The following LZTS1 variants were observed in gnomAD, a reference collection of about 807,000 sequenced individuals.
LZTS1 encodes the protein leucine zipper tumor suppressor 1.
A neutral mutation model predicts 45.8 loss-of-function variants in LZTS1; 31 were observed. That is an observed-to-expected ratio of 0.68 (90% CI 0.51 to 0.91). The LOEUF (loss-of-function observed/expected upper bound fraction) is 0.91, where lower values mean the gene tolerates loss of function less well. Ranked by LOEUF, LZTS1 falls within the 40% of genes least tolerant of loss-of-function variation. The pLI is 0.00. For synonymous variants in LZTS1, 359 were observed against 357.3 expected (o/e 1.00, Z -0.05); for missense variants, 821 against 788.9 (o/e 1.04, Z -0.49).
At chr8:20,293,266 A>G (rs1230863420) in intron 1 of LZTS1, among the ~76,000 whole-genome samples, 3 of 152,094 alleles carry the variant, frequency 2.0e-5, no homozygotes, top group Admixed American at 2.0e-4. Flanking sequence ...GCTGTCTACC[A>G]AATAGCATGC....
chr8:20,276,245 A>AT (rs67555163), intron 1 of LZTS1, among the ~76,000 whole-genome samples: 4,699 of 145,638 alleles, frequency 0.032, 148 homozygotes, highest in African/African-American at 0.06. Flanking sequence ...CTCCAGAGTG[A>AT]TTTTTTTTTT....
rs1799983581 is a variant in LZTS1 at position 20,253,076 on chromosome 8, C to G, written c.855G>C (p.Glu285Asp). Residue 285 changes from glutamate to aspartate, a missense_variant, in exon 3 of 4, where the codon GAG becomes GAC. Coordinates refer to ENST00000381569, the MANE Select transcript of LZTS1 (RefSeq NM_021020.5). Reference sequence around the variant, plus strand: ...CCAGGCTGGAGGCAAGCTCCTTCTCCTCAAAGCTGCGCTGCAGCTTCTGGA... The same window carrying G: ...CCAGGCTGGAGGCAAGCTCCTTCTCGTCAAAGCTGCGCTGCAGCTTCTGGA... Reference protein sequence around the residue: ...GALQKLQRSFEEKELASSLAY... With the variant: ...GALQKLQRSFDEKELASSLAY... 1 of 1,609,276 alleles carries G rather than the reference C, an allele frequency of 6.2e-7. No individual in the cohort carries two copies. Among genetic ancestry groups the G allele is most frequent in the Non-Finnish European group, 8.5e-7 (1 of 1,178,866 alleles).
At chr8:20,295,145 T>C (rs1008467518) in intron 1 of LZTS1, among the ~76,000 whole-genome samples, 1 of 152,082 alleles carries the variant, frequency 6.6e-6, no homozygotes, top group Non-Finnish European at 1.5e-5. Context: ...CCTGACGCTG[T>C]CACTGCTGCC....
chr8:20,250,438 T>A, intron 3 of LZTS1, 75 bp from the exon 4 acceptor site: 1 of 1,431,152 alleles, frequency 7.0e-7, no homozygotes, highest in Admixed American at 2.5e-5. Flanking sequence ...CTCAGCTGCC[T>A]AAAATAACCA....
At chr8:20,281,920 G>A (rs1417450824) in intron 1 of LZTS1, among the ~76,000 whole-genome samples, 1 of 152,292 alleles carries the variant, frequency 6.6e-6, no homozygotes, top group South Asian at 2.1e-4. Flanking sequence ...AAGAGTTGGT[G>A]GAAGGATGGA....
chr8:20,259,784 G>A (rs563483398), intron 1 of LZTS1, among the ~76,000 whole-genome samples: 77 of 151,842 alleles, frequency 5.1e-4, no homozygotes, highest in African/African-American at 8.7e-4. Context: ...TCTGCAAGGT[G>A]GCTTTCTCCA....
At chr8:20,276,485 C>T (rs1411218678) in intron 1 of LZTS1, among the ~76,000 whole-genome samples, 2 of 152,214 alleles carry the variant, frequency 1.3e-5, no homozygotes, top group Non-Finnish European at 2.9e-5. Context: ...GATAGTTGAA[C>T]ACCTGGAGGG....
At chr8:20,292,878 CCT>C (rs2128899138) in intron 1 of LZTS1, among the ~76,000 whole-genome samples, 1 of 152,230 alleles carries the variant, frequency 6.6e-6, no homozygotes, top group African/African-American at 2.4e-5. Flanking sequence ...AGTTCCTTCC[CCT>C]CTCTGGGCCT....
chr8:20,279,357 A>G (rs142972540), intron 1 of LZTS1, among the ~76,000 whole-genome samples: 2 of 152,330 alleles, frequency 1.3e-5, no homozygotes, highest in Non-Finnish European at 2.9e-5. Flanking sequence ...GAGGGAAATC[A>G]GAGAGGCTCA....
intron 1 of LZTS1, among the ~76,000 whole-genome samples, chr8:20,282,478 C>T (rs190846024): frequency 3.4e-4 from 52 of 152,322 alleles, no homozygotes; most frequent in African/African-American, 1.2e-3. Context: ...AAAGCATAGG[C>T]TCTAAGGTCA....
intron 1 of LZTS1, among the ~76,000 whole-genome samples, chr8:20,261,678 G>A (rs373945403): frequency 1.1e-4 from 17 of 152,238 alleles, no homozygotes; most frequent in African/African-American, 4.1e-4. Context: ...TGGATGCAGA[G>A]AGATGTGAAC....
At position 20,249,599 on chromosome 8, in the gene LZTS1, C is replaced by G. The variant is rs1799825382; in HGVS notation, c.*123G>C. The G allele has an allele frequency of 1.6e-6, 2 of 1,269,006 alleles. No individual in the cohort carries two copies. The highest frequency in any genetic ancestry group is 2.1e-6 in the Non-Finnish European group (2 of 933,510). 78.6% of individuals were successfully genotyped at this position (1,269,006 alleles called of 1,614,324 possible). ...CCATCCTGCCCTCCCCTCGGGGGTC[C>G]TGGGTCTGTGTCCCAGGGAGTGGCG... On this transcript the variant is annotated 3_prime_UTR_variant, in exon 4 of 4. Coordinates refer to ENST00000381569, the MANE Select transcript of LZTS1 (RefSeq NM_021020.5).
intron 1 of LZTS1, 99 bp downstream of exon 1, chr8:20,303,641 A>G (rs1801120969): frequency 1.1e-6 from 1 of 939,134 alleles, no homozygotes. Context: ...GGACGCGCGG[A>G]CGCACGGACG....
intron 1 of LZTS1, among the ~76,000 whole-genome samples, chr8:20,282,685 G>T (rs1157887741): frequency 1.3e-5 from 2 of 152,148 alleles, no homozygotes; most frequent in Admixed American, 1.3e-4. Flanking sequence ...CAGCATTCCT[G>T]GCCCCTACAT....
chr8:20,288,518 C>T (rs1800838168), intron 1 of LZTS1, among the ~76,000 whole-genome samples: 1 of 152,192 alleles, frequency 6.6e-6, no homozygotes, highest in Non-Finnish European at 1.5e-5. Context: ...TGGTGCCTGC[C>T]TCACCCCAAC....
intron 1 of LZTS1, among the ~76,000 whole-genome samples, chr8:20,281,070 G>A (rs1170035184): frequency 2.0e-5 from 3 of 152,202 alleles, no homozygotes; most frequent in African/African-American, 7.2e-5. Context: ...TGTCTACTCA[G>A]TATTTTTTAA....
At chr8:20,279,653 G>A (rs1411589860) in intron 1 of LZTS1, among the ~76,000 whole-genome samples, 3 of 135,990 alleles carry the variant, frequency 2.2e-5, no homozygotes, top group African/African-American at 8.2e-5. Flanking sequence ...GTGAGCTCCA[G>A]CCTGGGTGAT....
Position 20,293,144 on chromosome 8 carries a change from G to A in LZTS1, c.-135+10596C>T, listed in dbSNP as rs186800122. On this transcript the variant is annotated intron_variant, in intron 1 of 3. Transcript: ENST00000381569. Reference sequence around the variant, plus strand: ...AGGTATTCTAATAATGGTATTTCTAGAAAGAAGTCTCTCCACCCTTGAATC... The same window carrying A: ...AGGTATTCTAATAATGGTATTTCTAAAAAGAAGTCTCTCCACCCTTGAATC... 1.4e-3 allele frequency among the ~76,000 whole-genome samples: 207 copies of A among 152,182 alleles called. 1 individual carries two copies. The highest frequency in any genetic ancestry group is 4.8e-3 in the African/African-American group (199 of 41,542).
intron 1 of LZTS1, among the ~76,000 whole-genome samples, chr8:20,269,664 G>A (rs1175945664): frequency 6.6e-6 from 1 of 152,202 alleles, no homozygotes; most frequent in Non-Finnish European, 1.5e-5. Context: ...AAGGAGAAGG[G>A]GAGTGGAGCT....
Sources: gnomAD v4.1 joint callset for allele counts (sites outside exome capture counted in the v4.1 genomes callset) on GRCh38, gnomAD v4.1.1 for gene constraint, MANE v1.5 for transcripts, NCBI Gene and HGNC (gene_info 2026-07-23, HGNC 2026-07-21) for gene names.